Variants in SNAPC3 observed in about 807,000 individuals in gnomAD.
SNAPC3 encodes snRNA-activating protein complex subunit 3.
A neutral mutation model predicts 47.7 loss-of-function variants in SNAPC3; 56 were observed. The observed-to-expected ratio is 1.18, with a 90% CI of 0.95 to 1.47. The LOEUF (loss-of-function observed/expected upper bound fraction) is 1.47, where lower values mean the gene tolerates loss of function less well. Among genes scored for constraint, SNAPC3 ranks in the 40% most tolerant of loss-of-function variants. The pLI, the probability that SNAPC3 is intolerant of heterozygous loss-of-function variation, is 0.00. For missense variants in SNAPC3, 665 were observed against 511.3 expected, an observed-to-expected ratio of 1.30 and a Z score of -2.90; for synonymous variants, 235 against 189.9, an observed-to-expected ratio of 1.24 and a Z score of -1.95.
chr9:15,449,526 C>CTAT (rs1034542153), intron 5 of SNAPC3, among the ~76,000 whole-genome samples: 1 of 101,220 alleles, frequency 9.9e-6, no homozygotes, highest in Non-Finnish European at 2.0e-5. Flanking sequence ...TCTGTCTCTT[C>CTAT]TATTATTATT....
chr9:15,432,910 C>T (rs1264608836), intron 2 of SNAPC3, among the ~76,000 whole-genome samples: 1 of 152,090 alleles, frequency 6.6e-6, no homozygotes, highest in African/African-American at 2.4e-5. Context: ...AAAGTATCTC[C>T]CCCAAAATAT....
intron 5 of SNAPC3, among the ~76,000 whole-genome samples, chr9:15,449,767 C>G (rs2034258222): frequency 6.6e-6 from 1 of 151,430 alleles, no homozygotes; most frequent in Non-Finnish European, 1.5e-5. Flanking sequence ...GATGGGGTTT[C>G]TCCATGTTGG....
intron 3 of SNAPC3, among the ~76,000 whole-genome samples, chr9:15,439,082 G>A (rs1473548150): frequency 4.0e-5 from 6 of 151,150 alleles, no homozygotes; most frequent in South Asian, 4.2e-4. Context: ...CCATCACTGC[G>A]CATTGCTGCC....
At position 15,449,342 on chromosome 9, in the gene SNAPC3, C is replaced by A. The variant is rs547418399; in HGVS notation, c.733-1978C>A. ...AATGTTTGTCTGTCTGTTTTTTAAT[C>A]AAGTCCAGTCTGGGCAACAACTCAC... On this transcript the variant is annotated intron_variant, in intron 5 of 8. Transcript: ENST00000380821. Among the ~76,000 whole-genome samples, 11 of 152,006 alleles carry A rather than the reference C, an allele frequency of 7.2e-5. No individual in the cohort carries two copies. In the South Asian group the frequency reaches 2.3e-3, roughly 32 times the overall value.
chr9:15,429,789 C>A (rs772958226), intron 2 of SNAPC3, among the ~76,000 whole-genome samples: 26 of 151,930 alleles, frequency 1.7e-4, no homozygotes, highest in Middle Eastern at 3.2e-3. Context: ...TCTTAAGCAA[C>A]CTATTAAAAA....
rs1430774109 is a variant in SNAPC3 at position 15,461,251 on chromosome 9, C to G, written c.*1385C>G. ...CTTGGCTCACTGGAGCCCTGACCTCCCTAGGCTCAGGTGATCCTCCCACCT... is the reference window on the plus strand; with the variant it reads ...CTTGGCTCACTGGAGCCCTGACCTCGCTAGGCTCAGGTGATCCTCCCACCT... On this transcript the variant is annotated 3_prime_UTR_variant, in exon 9 of 9. Coordinates refer to ENST00000380821, the MANE Select transcript of SNAPC3 (RefSeq NM_001039697.2). The G allele has an allele frequency of 6.6e-6, 1 of 152,212 alleles. No homozygotes were observed. Among genetic ancestry groups the G allele is most frequent in the African/African-American group, 2.4e-5 (1 of 41,458 alleles). The allele number at this position is 152,212 out of a possible 1,614,324, so 9.4% of individuals were successfully genotyped here.
chr9:15,433,944 G>A (rs2032487824), intron 3 of SNAPC3: 1 of 195,912 alleles, frequency 5.1e-6, no homozygotes, highest in Non-Finnish European at 1.0e-5. Context: ...TCCTGATTTT[G>A]GTTTAACCAC....
At chr9:15,428,896 G>C (rs552870746) in intron 2 of SNAPC3, among the ~76,000 whole-genome samples, 1 of 151,986 alleles carries the variant, frequency 6.6e-6, no homozygotes, top group East Asian at 1.9e-4. Flanking sequence ...TATTATCAGA[G>C]TCCCTGAAGA....
chr9:15,449,857 G>A (rs574766867), intron 5 of SNAPC3, among the ~76,000 whole-genome samples: 2 of 151,904 alleles, frequency 1.3e-5, no homozygotes, highest in South Asian at 2.1e-4. Context: ...AGGCCAGTCA[G>A]GGAAGTTTAT....
chr9:15,428,111 C>CA (rs34074367), intron 2 of SNAPC3, among the ~76,000 whole-genome samples: 3,005 of 72,956 alleles, frequency 0.041, 127 homozygotes, highest in African/African-American at 0.13. Flanking sequence ...ACTCTGTCTC[C>CA]AAAAAAAAAA....
intron 2 of SNAPC3, among the ~76,000 whole-genome samples, chr9:15,426,366 C>G (rs1049549604): frequency 4.6e-5 from 7 of 152,132 alleles, no homozygotes; most frequent in Non-Finnish European, 8.8e-5. Context: ...GCTCATGTAG[C>G]ACCCTATGCT....
Position 15,433,621 on chromosome 9 carries a change from A to G in SNAPC3, c.462A>G (p.Thr154=). 1 of 1,602,382 alleles carries G rather than the reference A, an allele frequency of 6.2e-7. No homozygotes were observed. The highest frequency in any genetic ancestry group is 8.5e-7 in the Non-Finnish European group (1 of 1,171,000). Residue 154 remains threonine, a synonymous_variant, in exon 3 of 9, where the codon ACA becomes ACG. Coordinates refer to ENST00000380821, the MANE Select transcript of SNAPC3 (RefSeq NM_001039697.2). ...ITIDRACRQE[T]FVYEMESHAI... ...TAGATCGAGCCTGCAGACAAGAAAC[A>G]TTCGTTTATGAGATGGTAATTAAGA...
intron 8 of SNAPC3, 87 bp from the exon 9 acceptor site, chr9:15,459,632 A>T (rs774618498): frequency 2.0e-6 from 2 of 1,009,506 alleles, no homozygotes; most frequent in African/African-American, 1.6e-5. Context: ...ATAGAATGTT[A>T]TATTTACATA....
At chr9:15,436,897 C>T (rs1257131153) in intron 3 of SNAPC3, among the ~76,000 whole-genome samples, 1 of 145,110 alleles carries the variant, frequency 6.9e-6, no homozygotes, top group Non-Finnish European at 1.5e-5. Flanking sequence ...GATCTTGGCT[C>T]ACCGCAACCT....
chr9:15,455,731 C>T (rs1357551398), intron 7 of SNAPC3, among the ~76,000 whole-genome samples: 5 of 150,478 alleles, frequency 3.3e-5, no homozygotes, highest in African/African-American at 1.2e-4. Flanking sequence ...CGGAGTTTCG[C>T]TCTGTTGCCT....
At chr9:15,435,850 T>TTC (rs1208769453) in intron 3 of SNAPC3, among the ~76,000 whole-genome samples, 1 of 148,550 alleles carries the variant, frequency 6.7e-6, no homozygotes, top group Non-Finnish European at 1.5e-5. Flanking sequence ...CTTTCTTTTT[T>TTC]TTTTTTTTTT....
downstream of SNAPC3, chr9:15,464,661 C>A (rs2035489415): frequency 5.0e-6 from 1 of 198,106 alleles, no homozygotes; most frequent in African/African-American, 2.3e-5. Context: ...GTTTTAGTGA[C>A]TTCCTAAAGA....
chr9:15,423,262 T>C, intron 1 of SNAPC3, 69 bp downstream of exon 1: 1 of 1,422,382 alleles, frequency 7.0e-7, no homozygotes, highest in Non-Finnish European at 9.3e-7. Flanking sequence ...CGTGCGCTCC[T>C]CTGGGACTCA....
chr9:15,452,572 C>T (rs1332544917), intron 6 of SNAPC3, among the ~76,000 whole-genome samples: 1 of 152,172 alleles, frequency 6.6e-6, no homozygotes, highest in Non-Finnish European at 1.5e-5. Context: ...CCCACCTCGG[C>T]CTCCCGAAGT....
Sources: allele counts gnomAD v4.1 joint callset (sites outside exome capture counted in the v4.1 genomes callset), GRCh38; gene constraint gnomAD v4.1.1; transcripts MANE v1.5; gene names NCBI Gene and HGNC (gene_info 2026-07-23, HGNC 2026-07-21).